USP37: variants seen among roughly 807,000 people sequenced by gnomAD.
USP37 encodes the protein ubiquitin specific peptidase 37.
USP37 carries 27 observed loss-of-function variants against 124.0 expected under a neutral mutation model. That is an observed-to-expected ratio of 0.22 (90% CI 0.16 to 0.30). USP37 has a LOEUF of 0.30. Ranked by LOEUF, USP37 falls within the 10% of genes least tolerant of loss-of-function variation. The pLI, the probability that USP37 is intolerant of heterozygous loss-of-function variation, is 1.00. For synonymous variants in USP37, 365 were observed against 388.0 expected, an observed-to-expected ratio of 0.94 and a Z score of 0.70; for missense variants, 889 against 1,140.4, an observed-to-expected ratio of 0.78 and a Z score of 3.17.
At chr2:218,519,598 G>A (rs759005989) in intron 10 of USP37, among the ~76,000 whole-genome samples, 3 of 151,728 alleles carry the variant, frequency 2.0e-5, no homozygotes, top group Non-Finnish European at 4.4e-5. Context: ...TTCTCGGTTT[G>A]GTAATTCCTC....
At position 218,459,808 on chromosome 2, in the gene USP37, T is replaced by C. The variant is rs1292693743; in HGVS notation, c.2625A>G (p.Glu875=). 1.2e-6 allele frequency: 2 copies of C among 1,613,656 alleles called. No individual in the cohort carries two copies. Among genetic ancestry groups the C allele is most frequent in the African/African-American group, 1.3e-5 (1 of 75,034 alleles). Residue 875 remains glutamate, a synonymous_variant, in exon 23 of 26, where the codon GAA becomes GAG. Coordinates refer to ENST00000258399, the MANE Select transcript of USP37 (RefSeq NM_020935.3). ...DMEYTEAEAE[E]LKRNAETGNL... is the part of the protein sequence containing the mutation. Reference sequence around the variant, plus strand: ...CAATTACCTCAGCATTTCTTTTCAGTTCCTCAGCTTCAGCTTCTGTGTACT... The same window carrying C: ...CAATTACCTCAGCATTTCTTTTCAGCTCCTCAGCTTCAGCTTCTGTGTACT...
rs1435102542 is a variant in USP37 at position 218,450,760 on chromosome 2, C to CT, written c.*4169dup. The CT allele has an allele frequency of 2.0e-5, 3 of 152,206 alleles. No homozygotes were observed. In the East Asian group the frequency reaches 5.8e-4, roughly 29 times the overall value. 9.4% of individuals were successfully genotyped at this position (152,206 alleles called of 1,614,324 possible). A position where few individuals can be genotyped will look rare whatever the true frequency, so the allele number is the denominator to read the frequency against. On this transcript the variant is annotated 3_prime_UTR_variant, in exon 26 of 26. Transcript: ENST00000258399. ...AACCTGGTCCAGACCCTCACCCACT[C>CT]TATTCTTATGCCAATGGACATACCT...
intron 9 of USP37, among the ~76,000 whole-genome samples, chr2:218,531,339 G>A (rs1039904767): frequency 1.3e-5 from 2 of 152,106 alleles, no homozygotes; most frequent in African/African-American, 4.8e-5. Context: ...ATGGAACAAC[G>A]AAACCTAGAT....
At chr2:218,464,550 T>C (rs1690206610) in intron 21 of USP37, among the ~76,000 whole-genome samples, 1 of 152,192 alleles carries the variant, frequency 6.6e-6, no homozygotes, top group Non-Finnish European at 1.5e-5. Context: ...GATTTCTTAA[T>C]CTGATTATCT....
chr2:218,566,812 G>A (rs1516086), intron 1 of USP37, among the ~76,000 whole-genome samples: 70,541 of 152,008 alleles, frequency 0.46, 19,537 homozygotes, highest in East Asian at 0.78. Flanking sequence ...TGCAAGACAC[G>A]TATTGGAAGT....
Position 218,455,727 on chromosome 2 carries a change from A to C in USP37, c.2714-9T>G, listed in dbSNP as rs779531389. The C allele has an allele frequency of 1.2e-6, 2 of 1,611,418 alleles. No individual in the cohort carries two copies. The highest frequency in any genetic ancestry group is 2.2e-5 in the South Asian group (2 of 90,780). ...ATCACTAATGTAATGACCTGAAACA[A>C]ATAACATCTTAAAATCAAGGTTTTT... is the stretch of plus-strand genomic sequence containing the variant. On this transcript the variant is annotated splice_polypyrimidine_tract_variant and intron_variant, in intron 24 of 25. Coordinates refer to ENST00000258399, the MANE Select transcript of USP37 (RefSeq NM_020935.3).
At chr2:218,536,794 C>G (rs1326629455) in intron 8 of USP37, among the ~76,000 whole-genome samples, 3 of 152,184 alleles carry the variant, frequency 2.0e-5, no homozygotes, top group Non-Finnish European at 2.9e-5. Flanking sequence ...GAAGCACACT[C>G]TAAGGATAGG....
At chr2:218,541,929 C>G (rs1237243865) in intron 8 of USP37, among the ~76,000 whole-genome samples, 1 of 152,172 alleles carries the variant, frequency 6.6e-6, no homozygotes, top group African/African-American at 2.4e-5. Context: ...CAGTCAGCAT[C>G]TGCAGTTCTT....
intron 8 of USP37, among the ~76,000 whole-genome samples, chr2:218,536,970 T>C (rs968531706): frequency 1.3e-5 from 2 of 152,182 alleles, no homozygotes; most frequent in African/African-American, 4.8e-5. Context: ...TCCAGTATTT[T>C]AGAAATGTGG....
rs1689316509 is a variant in USP37 at position 218,500,444 on chromosome 2, T to G, written c.1026-2287A>C. Reference sequence around the variant, plus strand: ...CTGGCTAATTTTTTTGTATTTTTAGTAGAGGTTTCATCATGTTGATCAGGT... The same window carrying G: ...CTGGCTAATTTTTTTGTATTTTTAGGAGAGGTTTCATCATGTTGATCAGGT... On this transcript the variant is annotated intron_variant, in intron 11 of 25. Transcript: ENST00000258399. Among the ~76,000 whole-genome samples, 7 of 151,706 alleles carry G rather than the reference T, an allele frequency of 4.6e-5. No individual in the cohort carries two copies. The South Asian group carries it at 1.5e-3, about 32-fold the overall frequency.
rs1337877694 is a variant in USP37, at chr2:218,452,655, G to GTAT, written c.*2274_*2275insATA. ...ATGAAGATCAAATCAGGTTTCTGAGGTAAGTGTACTTCTAAACCATACACA... is the reference window on the plus strand; with the variant it reads ...ATGAAGATCAAATCAGGTTTCTGAGGTATTAAGTGTACTTCTAAACCATACACA... On this transcript the variant is annotated 3_prime_UTR_variant, in exon 26 of 26. Transcript: ENST00000258399. 1 of 152,152 alleles carries GTAT rather than the reference G, an allele frequency of 6.6e-6. No individual in the cohort carries two copies. Among genetic ancestry groups the GTAT allele is most frequent in the Non-Finnish European group, 1.5e-5 (1 of 68,030 alleles). 9.4% of individuals were successfully genotyped at this position (152,152 alleles called of 1,614,324 possible).
At chr2:218,497,967 A>G in intron 12 of USP37, 59 bp downstream of exon 12, 1 of 1,568,216 alleles carries the variant, frequency 6.4e-7, no homozygotes, top group Non-Finnish European at 8.6e-7. Flanking sequence ...CTAAAATTCC[A>G]TTATTCTATA....
In USP37 at chr2:218,522,967, C is replaced by T. The variant is rs183715279; in HGVS notation, c.863+6989G>A. 1.9e-3 allele frequency among the ~76,000 whole-genome samples: 286 copies of T among 152,130 alleles called. 1 individual carries two copies. The highest frequency in any genetic ancestry group is 6.1e-3 in the African/African-American group (255 of 41,516). On this transcript the variant is annotated intron_variant, in intron 10 of 25. Coordinates refer to ENST00000258399, the MANE Select transcript of USP37 (RefSeq NM_020935.3). ...CAGCCTGGCCAACATGGTGAAACCCCCTTTCTACTAAGAATACAAAAATTG... is the reference window on the plus strand; with the variant it reads ...CAGCCTGGCCAACATGGTGAAACCCTCTTTCTACTAAGAATACAAAAATTG...
intron 5 of USP37, among the ~76,000 whole-genome samples, chr2:218,553,111 A>T (rs956537923): frequency 6.6e-6 from 1 of 152,222 alleles, no homozygotes; most frequent in Non-Finnish European, 1.5e-5. Context: ...TAAGACTTCT[A>T]GTACTATGTT....
At chr2:218,460,890 G>A (rs1267837038) in intron 22 of USP37, among the ~76,000 whole-genome samples, 2 of 151,780 alleles carry the variant, frequency 1.3e-5, no homozygotes, top group African/African-American at 4.8e-5. Flanking sequence ...GCAGTGAGCC[G>A]AGATTGCGCC....
chr2:218,501,965 T>C (rs1452567013), intron 11 of USP37, among the ~76,000 whole-genome samples: 2 of 152,148 alleles, frequency 1.3e-5, no homozygotes, highest in Admixed American at 6.6e-5. Context: ...AGTTCGAATT[T>C]ACACCAGTCA....
chr2:218,464,383 G>A (rs1387244968), intron 21 of USP37, among the ~76,000 whole-genome samples: 8 of 151,988 alleles, frequency 5.3e-5, no homozygotes, highest in Non-Finnish European at 8.8e-5. Flanking sequence ...GAATACAGGC[G>A]CACGCCACCA....
chr2:218,566,636 G>A (rs1386111109), intron 1 of USP37, among the ~76,000 whole-genome samples: 1 of 152,196 alleles, frequency 6.6e-6, no homozygotes, highest in Non-Finnish European at 1.5e-5. Context: ...TGTGCCAAGT[G>A]CTTATCATGG....
chr2:218,553,435 T>C, intron 5 of USP37, 118 bp downstream of exon 5: 5 of 876,884 alleles, frequency 5.7e-6, no homozygotes, highest in Non-Finnish European at 7.9e-6. Flanking sequence ...TAAATCTTAT[T>C]TGCTCATGGT....
Sources: allele counts gnomAD v4.1 joint callset (sites outside exome capture counted in the v4.1 genomes callset), GRCh38; gene constraint gnomAD v4.1.1; transcripts MANE v1.5; gene names NCBI Gene and HGNC (gene_info 2026-07-23, HGNC 2026-07-21).